The following DCAF5 variants were observed in gnomAD, a reference collection of about 807,000 sequenced individuals.
DCAF5 encodes the protein DDB1 and CUL4 associated factor 5.
A neutral mutation model predicts 80.7 loss-of-function variants in DCAF5; 9 were observed. The ratio of observed to expected loss-of-function variants is 0.11; its 90% CI spans 0.07 to 0.19. The LOEUF (loss-of-function observed/expected upper bound fraction) is 0.19, where lower values mean the gene tolerates loss of function less well. DCAF5 is among the 10% of genes least tolerant of loss of function. The pLI is 1.00. For missense variants in DCAF5, 842 were observed against 1,205.7 expected (o/e 0.70, Z 4.47); for synonymous variants, 433 against 461.9 (o/e 0.94, Z 0.80).
chr14:69,071,949 G>A (rs754059616), intron 7 of DCAF5, among the ~76,000 whole-genome samples: 6 of 152,190 alleles, frequency 3.9e-5, no homozygotes, highest in Non-Finnish European at 8.8e-5. Context: ...CATGCACATG[G>A]CCAGGAAACC....
chr14:69,148,253 C>T (rs979126750), intron 1 of DCAF5, among the ~76,000 whole-genome samples: 1 of 152,122 alleles, frequency 6.6e-6, no homozygotes, highest in Non-Finnish European at 1.5e-5. Flanking sequence ...CCTAAATATG[C>T]GTACTACTGT....
At chr14:69,101,643 C>T (rs779638960) in intron 5 of DCAF5, among the ~76,000 whole-genome samples, 1 of 152,162 alleles carries the variant, frequency 6.6e-6, no homozygotes, top group African/African-American at 2.4e-5. Context: ...ATATGTTCTA[C>T]GAAATGTGTT....
chr14:69,081,191 A>G lies in DCAF5; in HGVS notation c.880-5780T>C, dbSNP rs555161261. 6.6e-5 allele frequency among the ~76,000 whole-genome samples: 10 copies of G among 152,364 alleles called. 1 individual carries two copies. The South Asian group carries it at 2.1e-3, about 32-fold the overall frequency. On this transcript the variant is annotated intron_variant, in intron 6 of 8. Transcript: ENST00000341516. ...GAAGAAAGAATACTTCATTCTTTCT[A>G]GATAAATACTTCATTATCTAGGCAA...
At chr14:69,063,511 C>G (rs984846279) in intron 7 of DCAF5, among the ~76,000 whole-genome samples, 2 of 152,204 alleles carry the variant, frequency 1.3e-5, no homozygotes, top group African/African-American at 4.8e-5. Context: ...TTTATCTACT[C>G]AAGGGATCCC....
chr14:69,109,421 T>A (rs529141410), intron 5 of DCAF5, among the ~76,000 whole-genome samples: 1 of 151,996 alleles, frequency 6.6e-6, no homozygotes, highest in East Asian at 1.9e-4. Flanking sequence ...TATATAGGTA[T>A]ACAACCATGA....
At position 69,054,598 on chromosome 14, in the gene DCAF5, G is replaced by A. The variant is rs2037880716; in HGVS notation, c.2088C>T (p.Thr696=). 6.2e-7 allele frequency: 1 copy of A among 1,614,072 alleles called. No individual in the cohort carries two copies. Among genetic ancestry groups the A allele is most frequent in the Admixed American group, 1.7e-5 (1 of 60,010 alleles). Residue 696 remains threonine (T), a synonymous_variant, in exon 9 of 9, where the codon ACC becomes ACT. Coordinates refer to ENST00000341516, the MANE Select transcript of DCAF5 (RefSeq NM_003861.3). ...TGEADEGRAG[T]SHKDNPAPSS... ...AAGGGGCTGGGTTGTCTTTGTGGCT[G>A]GTTCCTGCTCTCCCTTCATCTGCCT...
In DCAF5 at chr14:69,116,499, T is replaced by C. The variant is rs1566769036; in HGVS notation, c.536-4A>G. 6.2e-7 allele frequency: 1 copy of C among 1,611,980 alleles called. No homozygotes were observed. The highest frequency in any genetic ancestry group is 8.5e-7 in the Non-Finnish European group (1 of 1,178,524). ...TAGTTTGCCAGGCAGAAGGGCTCTG[T>C]GGAAAGAAAAATTATAATCAGTTCA... is the stretch of plus-strand genomic sequence containing the variant. On this transcript the variant is annotated splice_polypyrimidine_tract_variant and splice_region_variant and intron_variant, in intron 4 of 8. Transcript: ENST00000341516.
intron 5 of DCAF5, among the ~76,000 whole-genome samples, chr14:69,106,103 T>C (rs1194892357): frequency 6.6e-6 from 1 of 151,434 alleles, no homozygotes; most frequent in Admixed American, 6.6e-5. Context: ...TTGCCCAGGA[T>C]GGAGTGCAAT....
intron 6 of DCAF5, among the ~76,000 whole-genome samples, chr14:69,076,416 A>G (rs2038900431): frequency 6.6e-6 from 1 of 152,258 alleles, no homozygotes; most frequent in Non-Finnish European, 1.5e-5. Flanking sequence ...GAATGGATAA[A>G]CAAAATGTGG....
intron 1 of DCAF5, among the ~76,000 whole-genome samples, chr14:69,124,477 T>C (rs1343757525): frequency 2.6e-5 from 4 of 152,246 alleles, no homozygotes; most frequent in African/African-American, 9.6e-5. Context: ...TTGTCTTTGC[T>C]ACTTGAATTC....
chr14:69,152,708 GA>G lies in DCAF5; in HGVS notation c.214+56del. 2 of 1,358,788 alleles carry G rather than the reference GA, an allele frequency of 1.5e-6. No individual in the cohort carries two copies. The highest frequency in any genetic ancestry group is 2.0e-6 in the Non-Finnish European group (2 of 984,406). 84.2% of individuals were successfully genotyped at this position (1,358,788 alleles called of 1,614,324 possible). A position where few individuals can be genotyped will look rare whatever the true frequency, so the allele number is the denominator to read the frequency against. On this transcript the variant is annotated intron_variant, in intron 1 of 8. Coordinates refer to ENST00000341516, the MANE Select transcript of DCAF5 (RefSeq NM_003861.3). The surrounding 1 kb of genome is among the most constrained non-coding windows in gnomAD (Gnocchi z 4.1). The stretch of plus-strand genomic sequence containing the variant: ...GGAGGAGGGTGACGGGGGAGAGCGA[GA>G]GGGGGAGGCTGGGAGGGTGCGGGGA...
chr14:69,128,674 A>C (rs1315941614), intron 1 of DCAF5, among the ~76,000 whole-genome samples: 1 of 151,586 alleles, frequency 6.6e-6, no homozygotes, highest in East Asian at 1.9e-4. Context: ...AGGATGAGGC[A>C]GGAGAATCAC....
rs1334845448 is a variant in DCAF5 at position 69,153,096 on chromosome 14, G to T, written c.-118C>A. ...TGCGATCCGGATGGTTCTTTAACCA[G>T]CCATGGCAGGCAGAGCGAGGTGTGC... On this transcript the variant is annotated 5_prime_UTR_variant, in exon 1 of 9. The change creates a new upstream start codon in the 5' untranslated region. Coordinates refer to ENST00000341516, the MANE Select transcript of DCAF5 (RefSeq NM_003861.3). The T allele has an allele frequency of 1.3e-6, 1 of 771,480 alleles. No homozygotes were observed. Among genetic ancestry groups the T allele is most frequent in the Non-Finnish European group, 1.9e-6 (1 of 533,138 alleles). 47.8% of individuals were successfully genotyped at this position (771,480 alleles called of 1,614,324 possible). A position where few individuals can be genotyped will look rare whatever the true frequency, so the allele number is the denominator to read the frequency against.
chr14:69,137,411 T>C (rs2041228416), intron 1 of DCAF5, among the ~76,000 whole-genome samples: 1 of 152,190 alleles, frequency 6.6e-6, no homozygotes, highest in Admixed American at 6.5e-5. Flanking sequence ...ACAAATACGC[T>C]CCATCCATTC....
chr14:69,119,947 A>C (rs1010481092), intron 2 of DCAF5, among the ~76,000 whole-genome samples: 4 of 152,188 alleles, frequency 2.6e-5, no homozygotes, highest in African/African-American at 9.7e-5. Flanking sequence ...ACATCTGTAA[A>C]AGCATTCAGA....
intron 6 of DCAF5, among the ~76,000 whole-genome samples, chr14:69,081,218 A>G (rs917852753): frequency 3.9e-5 from 6 of 152,192 alleles, no homozygotes; most frequent in African/African-American, 1.4e-4. Context: ...TCTAGGCAAT[A>G]AAGTCCCCAT....
intron 6 of DCAF5, among the ~76,000 whole-genome samples, chr14:69,079,840 CATATAT>C (rs904186912): frequency 6.6e-6 from 1 of 151,444 alleles, no homozygotes; most frequent in Non-Finnish European, 1.5e-5. Context: ...CAAAAAATAA[CATATAT>C]ATATATAATG....
chr14:69,056,719 A>G (rs768951491), intron 8 of DCAF5, among the ~76,000 whole-genome samples: 8 of 152,052 alleles, frequency 5.3e-5, no homozygotes, highest in Non-Finnish European at 1.2e-4. Context: ...CGTTTCCCCA[A>G]AGCTATCTAA....
chr14:69,075,440 A>G, intron 6 of DCAF5, 29 bp from the exon 7 acceptor site: 3 of 1,308,202 alleles, frequency 2.3e-6, no homozygotes, highest in Non-Finnish European at 3.2e-6. Context: ...TATAGATAAC[A>G]TTATATATTA....
Sources: gnomAD v4.1 joint callset for allele counts (sites outside exome capture counted in the v4.1 genomes callset) on GRCh38, gnomAD v4.1.1 for gene constraint, Gnocchi (gnomAD v3.1) non-coding constraint, MANE v1.5 for transcripts, NCBI Gene and HGNC (gene_info 2026-07-23, HGNC 2026-07-21) for gene names.